Variants in UBASH3B observed in about 807,000 individuals in gnomAD.
UBASH3B encodes ubiquitin associated and SH3 domain containing B, also known as ubiquitin-associated and SH3 domain-containing protein B.
A neutral mutation model predicts 83.4 loss-of-function variants in UBASH3B; 37 were observed. The ratio of observed to expected loss-of-function variants is 0.44; its 90% CI spans 0.34 to 0.58. The LOEUF is 0.58. Among genes scored for constraint, UBASH3B ranks in the 20% least tolerant of loss-of-function variants. The pLI is 0.01. For missense variants in UBASH3B, 657 were observed against 827.2 expected (o/e 0.79, Z 2.52); for synonymous variants, 304 against 318.3 (o/e 0.96, Z 0.48).
intron 1 of UBASH3B, among the ~76,000 whole-genome samples, chr11:122,768,419 CAT>C (rs760099305): frequency 3.3e-5 from 5 of 150,288 alleles, no homozygotes; most frequent in Non-Finnish European, 4.4e-5. Context: ...TGTATTTACT[CAT>C]ATATATATAT....
At chr11:122,694,691 T>C (rs190906575) in intron 1 of UBASH3B, among the ~76,000 whole-genome samples, 190 of 152,318 alleles carry the variant, frequency 1.2e-3, no homozygotes, top group Non-Finnish European at 2.5e-3. Context: ...AATGCTGTTA[T>C]TGATAATCGG....
At chr11:122,755,361 T>C (rs1442857167) in intron 1 of UBASH3B, among the ~76,000 whole-genome samples, 1 of 152,182 alleles carries the variant, frequency 6.6e-6, no homozygotes, top group Non-Finnish European at 1.5e-5. Flanking sequence ...TTTTGGCTTA[T>C]AGCCTTCTGT....
In UBASH3B at chr11:122,749,653, G is replaced by A. The variant is rs751010112; in HGVS notation, c.162-26566G>A. Among the ~76,000 whole-genome samples the A allele has an allele frequency of 5.9e-5, 9 of 152,216 alleles. No individual in the cohort carries two copies. The South Asian group carries it at 6.2e-4, about 11-fold the overall frequency. On this transcript the variant is annotated intron_variant, in intron 1 of 13. Transcript: ENST00000284273. ...TCCAGGACTGTGCATCAGTCCATGG[G>A]TCTGACCACTGCACCACACTGTCTT... is the stretch of plus-strand genomic sequence containing the variant.
At chr11:122,690,214 T>TATATAATTATATA (rs1863873410) in intron 1 of UBASH3B, among the ~76,000 whole-genome samples, 4 of 52,680 alleles carry the variant, frequency 7.6e-5, no homozygotes, top group East Asian at 6.6e-4. Context: ...ATATATCCAA[T>TATATAATTATATA]TATATATATA....
intron 10 of UBASH3B, among the ~76,000 whole-genome samples, chr11:122,800,548 T>C (rs999582488): frequency 1.3e-5 from 2 of 151,740 alleles, no homozygotes; most frequent in African/African-American, 4.8e-5. Context: ...AGCAAGACTC[T>C]GTATCAAAAA....
chr11:122,777,791 A>G (rs1255332626), intron 3 of UBASH3B, among the ~76,000 whole-genome samples: 7 of 152,144 alleles, frequency 4.6e-5, no homozygotes, highest in African/African-American at 1.2e-4. Flanking sequence ...GTGCAGCAGC[A>G]TGATCTCGGC....
intron 1 of UBASH3B, among the ~76,000 whole-genome samples, chr11:122,725,266 G>A (rs1416662590): frequency 4.1e-5 from 6 of 145,028 alleles, no homozygotes; most frequent in African/African-American, 7.5e-5. Context: ...CACCGTGCCC[G>A]GCCTCAAATT....
intron 5 of UBASH3B, among the ~76,000 whole-genome samples, chr11:122,784,916 A>G (rs1860921518): frequency 6.6e-6 from 1 of 152,120 alleles, no homozygotes; most frequent in Admixed American, 6.5e-5. Context: ...GACATCTCCT[A>G]GAGTCACGTA....
chr11:122,662,446 T>TTTA (rs1863458259), intron 1 of UBASH3B, among the ~76,000 whole-genome samples: 1 of 151,034 alleles, frequency 6.6e-6, no homozygotes, highest in African/African-American at 2.4e-5. Flanking sequence ...TTTTTTTTTT[T>TTTA]GAGACAGTTT....
In UBASH3B at chr11:122,806,504, T is replaced by G. The variant is rs759011504; in HGVS notation, c.1690T>G (p.Cys564Gly). The change falls in exon 12 of 14, where the codon TGT (cysteine) becomes GGT (glycine). Residue 564 changes from cysteine (C) to glycine (G), a missense_variant. Cys to Gly is a radical substitution (Grantham distance 159). Coordinates refer to ENST00000284273, the MANE Select transcript of UBASH3B (RefSeq NM_032873.5). The surrounding 1 kb of genome is among the most constrained non-coding windows in gnomAD (Gnocchi z 4.0). ...FQVTKEIISECKSKGNNILIV... is the reference protein window; with the variant it reads ...FQVTKEIISEGKSKGNNILIV... ...AGTAACAAAAGAAATAATAAGTGAATGTAAAAGTAAAGGTAAGTGGTATTA... is the reference window on the plus strand; with the variant it reads ...AGTAACAAAAGAAATAATAAGTGAAGGTAAAAGTAAAGGTAAGTGGTATTA... 1 of 1,603,954 alleles carries G rather than the reference T, an allele frequency of 6.2e-7. No homozygotes were observed. The highest frequency in any genetic ancestry group is 8.5e-7 in the Non-Finnish European group (1 of 1,176,266).
chr11:122,775,200 G>A (rs1447344078), intron 1 of UBASH3B, among the ~76,000 whole-genome samples: 1 of 152,214 alleles, frequency 6.6e-6, no homozygotes, highest in African/African-American at 2.4e-5. Context: ...ATGCATGAAT[G>A]AATGAAAGGA....
chr11:122,725,328 C>CA (rs527272428), intron 1 of UBASH3B, among the ~76,000 whole-genome samples: 10,179 of 87,956 alleles, frequency 0.12, 531 homozygotes, highest in African/African-American at 0.18. Context: ...GCACCATAAA[C>CA]AAAAAAAAAA....
At chr11:122,760,940 A>G (rs570979201) in intron 1 of UBASH3B, among the ~76,000 whole-genome samples, 2 of 152,308 alleles carry the variant, frequency 1.3e-5, no homozygotes, top group Non-Finnish European at 2.9e-5. Flanking sequence ...AAGACCATCC[A>G]GTTGTTTCTC....
At chr11:122,710,618 A>G (rs915320914) in intron 1 of UBASH3B, among the ~76,000 whole-genome samples, 5 of 152,176 alleles carry the variant, frequency 3.3e-5, no homozygotes, top group Non-Finnish European at 5.9e-5. Context: ...TTGCTAAATC[A>G]TAGCTAATGC....
chr11:122,720,470 A>G (rs1051459105), intron 1 of UBASH3B, among the ~76,000 whole-genome samples: 1 of 152,116 alleles, frequency 6.6e-6, no homozygotes, highest in Non-Finnish European at 1.5e-5. Flanking sequence ...AGATCCTTTC[A>G]AAGTGTAAGG....
chr11:122,786,999 C>A (rs375393360), intron 5 of UBASH3B, among the ~76,000 whole-genome samples: 2 of 152,036 alleles, frequency 1.3e-5, no homozygotes, highest in Non-Finnish European at 2.9e-5. Flanking sequence ...GCTCCCCCCC[C>A]ACCGCCCCAC....
chr11:122,767,647 G>T (rs1320191283), intron 1 of UBASH3B, among the ~76,000 whole-genome samples: 1 of 152,160 alleles, frequency 6.6e-6, no homozygotes, highest in African/African-American at 2.4e-5. Flanking sequence ...GAATGCTATC[G>T]GTTAACTAAG....
At chr11:122,721,591 G>C (rs1860639616) in intron 1 of UBASH3B, among the ~76,000 whole-genome samples, 1 of 152,176 alleles carries the variant, frequency 6.6e-6, no homozygotes, top group African/African-American at 2.4e-5. Context: ...CCCTTTAAAA[G>C]TCCTTAATCC....
intron 1 of UBASH3B, among the ~76,000 whole-genome samples, chr11:122,677,401 C>CCT (rs10699036): frequency 0.16 from 23,745 of 152,108 alleles, 1,993 homozygotes; most frequent in African/African-American, 0.21. Context: ...ATTCCTAACT[C>CCT]CTATATACTA....
Sources: gnomAD v4.1 joint callset for allele counts (sites outside exome capture counted in the v4.1 genomes callset) on GRCh38, gnomAD v4.1.1 for gene constraint, Gnocchi (gnomAD v3.1) non-coding constraint, MANE v1.5 for transcripts, NCBI Gene and HGNC (gene_info 2026-07-23, HGNC 2026-07-21) for gene names.